Variants in PDXDC1 observed in about 807,000 individuals in gnomAD.
The protein encoded by PDXDC1 is pyridoxal dependent decarboxylase domain containing 1.
A neutral mutation model predicts 100.1 loss-of-function variants in PDXDC1; 42 were observed. The ratio of observed to expected loss-of-function variants is 0.42; its 90% CI spans 0.33 to 0.54. PDXDC1 has a LOEUF of 0.54. PDXDC1 is among the 20% of genes least tolerant of loss of function. The pLI is 0.10. For missense variants in PDXDC1, 636 were observed against 979.2 expected, an observed-to-expected ratio of 0.65 and a Z score of 4.68; for synonymous variants, 260 against 371.7, an observed-to-expected ratio of 0.70 and a Z score of 3.46.
At chr16:14,980,948 A>G (rs1382346696) in intron 1 of PDXDC1, among the ~76,000 whole-genome samples, 16 of 152,276 alleles carry the variant, frequency 1.1e-4, no homozygotes, top group Admixed American at 2.6e-4. Context: ...TCAAAGCCCA[A>G]TGCTGAGTGC....
chr16:15,122,712 G>C (rs993959105), intron 16 of PDXDC1, among the ~76,000 whole-genome samples: 11 of 150,130 alleles, frequency 7.3e-5, no homozygotes, highest in African/African-American at 2.2e-4. Context: ...CACCGCACCC[G>C]CATGTCCTGG....
downstream of PDXDC1, among the ~76,000 whole-genome samples, chr16:15,143,509 C>G (rs1189388614): frequency 3.3e-5 from 5 of 152,196 alleles, no homozygotes; most frequent in Admixed American, 1.3e-4. Flanking sequence ...CGCCCTGGAG[C>G]CTCGGCCCCT....
intron 16 of PDXDC1, among the ~76,000 whole-genome samples, chr16:15,056,632 A>C (rs1022594074): frequency 1.3e-5 from 2 of 151,968 alleles, no homozygotes; most frequent in Non-Finnish European, 2.9e-5. Flanking sequence ...GTCTCTGCCA[A>C]AAATTTAAAA....
intron 16 of PDXDC1, chr16:15,125,506 A>T: frequency 7.1e-6 from 10 of 1,418,200 alleles, no homozygotes; most frequent in Non-Finnish European, 9.0e-6. Flanking sequence ...TACTCCAGAC[A>T]CAGTGACCTG....
intron 16 of PDXDC1, among the ~76,000 whole-genome samples, chr16:15,069,509 T>A (rs377577442): frequency 1.1e-4 from 17 of 152,162 alleles, no homozygotes; most frequent in East Asian, 5.8e-4. Context: ...TATAAGTAAC[T>A]CTTAGAAATT....
At chr16:14,978,317 A>C (rs1448443041) in intron 1 of PDXDC1, among the ~76,000 whole-genome samples, 1 of 152,292 alleles carries the variant, frequency 6.6e-6, no homozygotes, top group Non-Finnish European at 1.5e-5. Context: ...CAATAAGGAA[A>C]ATGCCACAGG....
Position 15,068,342 on chromosome 16 carries a change from T to C in PDXDC1, c.1399+38286T>C, listed in dbSNP as rs2045068663. 7.3e-6 allele frequency: 11 copies of C among 1,511,204 alleles called. No homozygotes were observed. In the South Asian group the frequency reaches 1.4e-4, roughly 19 times the overall value. The allele number at this position is 1,511,204 out of a possible 1,614,324, so 93.6% of individuals were successfully genotyped here. On this transcript the variant is annotated intron_variant, in intron 16 of 16. Coordinates refer to the PDXDC1 transcript ENST00000535621. Reference sequence around the variant, plus strand: ...AATAAGTGAAAAGTGTAAGATACTTTTAAAAGCACAAATTATCACACATTT... The same window carrying C: ...AATAAGTGAAAAGTGTAAGATACTTCTAAAAGCACAAATTATCACACATTT...
At chr16:15,131,381 C>A in intron 16 of PDXDC1, 1 of 1,593,942 alleles carries the variant, frequency 6.3e-7, no homozygotes, top group Non-Finnish European at 8.6e-7. Context: ...GGATTGGAGT[C>A]CACCAGAAAG....
intron 8 of PDXDC1, among the ~76,000 whole-genome samples, chr16:15,013,340 C>G (rs2041489702): frequency 1.4e-5 from 2 of 143,154 alleles, no homozygotes. Context: ...CAGAGTGAGA[C>G]CCTATCTCAA....
chr16:15,136,111 C>G, intron 16 of PDXDC1: 12 of 1,569,712 alleles, frequency 7.6e-6, no homozygotes, highest in Non-Finnish European at 1.0e-5. Context: ...AGTCGAGAAG[C>G]CGATCCACAC....
At chr16:14,981,566 A>G (rs1305037523) in intron 1 of PDXDC1, among the ~76,000 whole-genome samples, 4 of 152,294 alleles carry the variant, frequency 2.6e-5, no homozygotes, top group Admixed American at 6.5e-5. Flanking sequence ...TCCCTATTGT[A>G]TGCTATTTTT....
chr16:15,014,132 A>G (rs1271285058), intron 8 of PDXDC1, among the ~76,000 whole-genome samples: 13 of 151,624 alleles, frequency 8.6e-5, no homozygotes, highest in Non-Finnish European at 4.4e-5. Context: ...GCTTGAACCC[A>G]GGAGGCTGAG....
chr16:15,136,135 G>C, intron 16 of PDXDC1: 1 of 1,489,632 alleles, frequency 6.7e-7, no homozygotes, highest in East Asian at 2.3e-5. Context: ...TAGGCTCCTG[G>C]GGGCGGGTGT....
At chr16:15,150,416 G>A in the PDXDC1 span, among the ~76,000 whole-genome samples, 1 of 151,234 alleles carries the variant, frequency 6.6e-6, no homozygotes, top group South Asian at 2.1e-4. Flanking sequence ...TGTAATCCCA[G>A]CACTTCGGGA....
intron 16 of PDXDC1, among the ~76,000 whole-genome samples, chr16:15,087,855 C>A (rs1166826418): frequency 6.6e-6 from 1 of 152,184 alleles, no homozygotes. Context: ...TAGCTCATGT[C>A]TGTAATCCCA....
chr16:14,986,772 A>T (rs896431190), intron 1 of PDXDC1, among the ~76,000 whole-genome samples: 1 of 152,290 alleles, frequency 6.6e-6, no homozygotes, highest in Admixed American at 6.5e-5. Context: ...TTTGAGACAG[A>T]GTCTTGCTCT....
chr16:15,004,119 A>G (rs1973763588), intron 4 of PDXDC1, 68 bp from the exon 5 acceptor site: 7 of 1,422,750 alleles, frequency 4.9e-6, no homozygotes, highest in Non-Finnish European at 6.9e-6. Context: ...TTTCTGTGGA[A>G]TTCTGTGTCT....
intron 16 of PDXDC1, among the ~76,000 whole-genome samples, chr16:15,051,701 T>TC (rs1047010572): frequency 6.8e-6 from 1 of 146,570 alleles, no homozygotes; most frequent in African/African-American, 2.5e-5. Context: ...ATTTTTAATT[T>TC]TTTTTTTTTT....
chr16:15,140,207 G>A (rs1046457895), downstream of PDXDC1, among the ~76,000 whole-genome samples: 4 of 151,316 alleles, frequency 2.6e-5, no homozygotes, highest in Non-Finnish European at 5.9e-5. Context: ...CACTTTGGGA[G>A]GCTGAGGCGG....
Sources: gnomAD v4.1 joint callset for allele counts (sites outside exome capture counted in the v4.1 genomes callset) on GRCh38, gnomAD v4.1.1 for gene constraint, MANE v1.5 for transcripts, NCBI Gene and HGNC (gene_info 2026-07-23, HGNC 2026-07-21) for gene names.